Variants in CADM2 observed in about 807,000 individuals in gnomAD.
CADM2 encodes cell adhesion molecule 2, also known as immunoglobulin superfamily member 4D.
In CADM2, 12 loss-of-function variants were observed where a neutral mutation model predicts 49.8. The ratio of observed to expected loss-of-function variants is 0.24; its 90% CI spans 0.15 to 0.39. The LOEUF (loss-of-function observed/expected upper bound fraction) is 0.39, where lower values mean the gene tolerates loss of function less well. CADM2 is among the 10% of genes least tolerant of loss of function. The probability of loss-of-function intolerance (pLI) is 1.00; values close to 1 mark genes in which losing one functional copy is unlikely to be tolerated. For synonymous variants in CADM2, 214 were observed against 175.4 expected (o/e 1.22, Z -1.74); for missense variants, 378 against 492.3 (o/e 0.77, Z 2.20).
At chr3:85,817,243 G>T (rs1447227649) in intron 3 of CADM2, among the ~76,000 whole-genome samples, 3 of 149,026 alleles carry the variant, frequency 2.0e-5, no homozygotes, top group Non-Finnish European at 4.4e-5. Flanking sequence ...AGTACAAATG[G>T]AAAGTAGGGA....
intron 1 of CADM2, among the ~76,000 whole-genome samples, chr3:85,458,484 T>C (rs1289753808): frequency 6.6e-6 from 1 of 152,230 alleles, no homozygotes; most frequent in Non-Finnish European, 1.5e-5. Context: ...TGGTTATCTA[T>C]ATACTACCTG....
rs781598979 is a variant in CADM2 at position 85,569,701 on chromosome 3, C to CAAA, written c.62-156810_62-156808dup. ...TTTTTTAGAGGAACCTTTCTAATGG[C>CAAA]AAAAAAAAAAAAAGAAAAAAAAAAG... On this transcript the variant is annotated intron_variant, in intron 1 of 9. Transcript: ENST00000383699. Among the ~76,000 whole-genome samples the CAAA allele has an allele frequency of 2.8e-3, 323 of 114,592 alleles. 4 individuals are homozygous for CAAA. Among genetic ancestry groups the CAAA allele is most frequent in the East Asian group, 6.6e-3 (30 of 4,536 alleles). The allele number at this position is 114,592 out of a possible 152,430, so 75.2% of individuals were successfully genotyped here.
intron 1 of CADM2, among the ~76,000 whole-genome samples, chr3:85,150,749 G>A (rs944493176): frequency 3.3e-5 from 5 of 149,956 alleles, no homozygotes. Flanking sequence ...AAAAAAAAAA[G>A]GAAAAAAAAA....
At chr3:85,972,141 A>G (rs940565576) in intron 8 of CADM2, among the ~76,000 whole-genome samples, 2 of 151,628 alleles carry the variant, frequency 1.3e-5, no homozygotes, top group South Asian at 2.1e-4. Context: ...CCACTTTTAC[A>G]CTGTGATCCA....
At chr3:85,644,274 C>T (rs151199377) in intron 1 of CADM2, among the ~76,000 whole-genome samples, 2 of 152,214 alleles carry the variant, frequency 1.3e-5, no homozygotes, top group African/African-American at 2.4e-5. Flanking sequence ...AGAAAGAGTT[C>T]CGGCATCCAT....
chr3:85,506,460 G>T (rs2040356194), intron 1 of CADM2, among the ~76,000 whole-genome samples: 1 of 152,162 alleles, frequency 6.6e-6, no homozygotes, highest in African/African-American at 2.4e-5. Flanking sequence ...TCAATAACAT[G>T]TTAAAATTCA....
chr3:85,336,764 A>G (rs1294420419), intron 1 of CADM2, among the ~76,000 whole-genome samples: 1 of 149,904 alleles, frequency 6.7e-6, no homozygotes, highest in Non-Finnish European at 1.5e-5. Context: ...TCGTATATGA[A>G]ACATTTAGAG....
chr3:85,899,775 T>C (rs1272850593), intron 5 of CADM2, among the ~76,000 whole-genome samples: 1 of 152,190 alleles, frequency 6.6e-6, no homozygotes, highest in African/African-American at 2.4e-5. Context: ...TTCTGGCTGA[T>C]GGTAATAGGC....
At chr3:85,316,740 A>G (rs942693102) in intron 1 of CADM2, among the ~76,000 whole-genome samples, 2 of 152,188 alleles carry the variant, frequency 1.3e-5, no homozygotes, top group Non-Finnish European at 2.9e-5. Flanking sequence ...AAATGTTAAC[A>G]TAGTGAACTG....
At chr3:84,982,702 C>CATATGTATATATATATATAT (rs1177661723) in intron 1 of CADM2, among the ~76,000 whole-genome samples, 2 of 76,330 alleles carry the variant, frequency 2.6e-5, no homozygotes, top group Non-Finnish European at 4.7e-5. Context: ...AACTATAAAG[C>CATATGTATATATATATATAT]ATATATATAT....
chr3:85,592,937 G>C (rs887933266), intron 1 of CADM2, among the ~76,000 whole-genome samples: 1 of 151,774 alleles, frequency 6.6e-6, no homozygotes, highest in African/African-American at 2.4e-5. Context: ...TCCCACTTAT[G>C]ATTGAGAACA....
At position 86,017,926 on chromosome 3, in the gene CADM2, T is replaced by C. The variant is rs533511524; in HGVS notation, c.971-47679T>C. ...AGTTTTAGGGTACATGTGCACATTG[T>C]GCAGGTTAGTTACATATGTATACAT... On this transcript the variant is annotated intron_variant, in intron 8 of 9. Transcript: ENST00000383699. 2.6e-3 allele frequency among the ~76,000 whole-genome samples: 386 copies of C among 147,024 alleles called. 3 individuals carry two copies. Among genetic ancestry groups the C allele is most frequent in the Middle Eastern group, 6.9e-3 (2 of 290 alleles).
chr3:85,175,735 G>A (rs1410703303), intron 1 of CADM2, among the ~76,000 whole-genome samples: 2 of 151,950 alleles, frequency 1.3e-5, no homozygotes, highest in African/African-American at 4.8e-5. Context: ...AATGGTTTAA[G>A]TGGTAAATTT....
At chr3:85,535,702 C>T (rs1576745427) in intron 1 of CADM2, among the ~76,000 whole-genome samples, 1 of 152,084 alleles carries the variant, frequency 6.6e-6, no homozygotes, top group African/African-American at 2.4e-5. Flanking sequence ...CATATTTCCT[C>T]TTTTCAAAGC....
chr3:85,532,520 C>T (rs763311386), intron 1 of CADM2, among the ~76,000 whole-genome samples: 11 of 152,140 alleles, frequency 7.2e-5, no homozygotes, highest in Non-Finnish European at 1.2e-4. Flanking sequence ...CCACTCCACT[C>T]TAGTTACTCA....
chr3:86,028,887 A>C (rs1323012453), intron 8 of CADM2, among the ~76,000 whole-genome samples: 1 of 152,182 alleles, frequency 6.6e-6, no homozygotes, highest in Non-Finnish European at 1.5e-5. Flanking sequence ...ATGTCCCAGC[A>C]CTTTAATGGC....
At chr3:85,145,807 C>T (rs993988609) in intron 1 of CADM2, among the ~76,000 whole-genome samples, 3 of 151,968 alleles carry the variant, frequency 2.0e-5, no homozygotes, top group African/African-American at 7.3e-5. Context: ...AATATGTGGC[C>T]TTTTGGATAC....
At chr3:85,509,483 G>T (rs1407772055) in intron 1 of CADM2, among the ~76,000 whole-genome samples, 2 of 152,016 alleles carry the variant, frequency 1.3e-5, no homozygotes, top group East Asian at 3.9e-4. Context: ...CTGCATTTCA[G>T]AAAAATAGGT....
chr3:86,024,403 C>A (rs1434553730), intron 8 of CADM2, among the ~76,000 whole-genome samples: 2 of 152,156 alleles, frequency 1.3e-5, no homozygotes, highest in African/African-American at 4.8e-5. Context: ...TTAGAATTTT[C>A]AAAGCGAGCA....
Sources: gnomAD v4.1 joint callset for allele counts (sites outside exome capture counted in the v4.1 genomes callset) on GRCh38, gnomAD v4.1.1 for gene constraint, MANE v1.5 for transcripts, NCBI Gene and HGNC (gene_info 2026-07-23, HGNC 2026-07-21) for gene names.